OSBP2: variants seen among roughly 807,000 people sequenced by gnomAD.
OSBP2 encodes the protein oxysterol binding protein 2, also known as oxysterol-binding protein 2.
OSBP2 carries 66 observed loss-of-function variants against 96.0 expected under a neutral mutation model. The observed-to-expected ratio is 0.69, with a 90% CI of 0.56 to 0.84. OSBP2 has a LOEUF of 0.84. Among genes scored for constraint, OSBP2 ranks in the 40% least tolerant of loss-of-function variants. OSBP2 has a pLI of 0.00. For synonymous variants in OSBP2, 525 were observed against 520.9 expected (o/e 1.01, Z -0.11); for missense variants, 1,038 against 1,222.7 (o/e 0.85, Z 2.25).
At chr22:30,749,507 T>C (rs1270477248) in intron 2 of OSBP2, among the ~76,000 whole-genome samples, 8 of 152,182 alleles carry the variant, frequency 5.3e-5, no homozygotes, top group Non-Finnish European at 1.0e-4. Context: ...AATGAACTTG[T>C]GACATTTGGC....
intron 2 of OSBP2, among the ~76,000 whole-genome samples, chr22:30,767,777 T>C (rs1048629855): frequency 2.0e-5 from 3 of 152,048 alleles, no homozygotes; most frequent in African/African-American, 4.8e-5. Flanking sequence ...CAGCTCTCAG[T>C]TGGGAGAGGA....
chr22:30,712,636 T>A (rs1259071656), intron 1 of OSBP2, among the ~76,000 whole-genome samples: 1 of 152,216 alleles, frequency 6.6e-6, no homozygotes, highest in African/African-American at 2.4e-5. Context: ...GGGAGGGAAC[T>A]GGAGCGTCCA....
At chr22:30,760,194 T>C in intron 2 of OSBP2, among the ~76,000 whole-genome samples, 1 of 148,638 alleles carries the variant, frequency 6.7e-6, no homozygotes, top group African/African-American at 2.5e-5. Context: ...GACAGAGTCT[T>C]GCACTGTTGC....
At chr22:30,831,122 G>C (rs1327163237) in intron 2 of OSBP2, among the ~76,000 whole-genome samples, 4 of 152,150 alleles carry the variant, frequency 2.6e-5, no homozygotes, top group African/African-American at 9.7e-5. Flanking sequence ...TGAGTCAAAG[G>C]GTGTGAATGC....
intron 2 of OSBP2, among the ~76,000 whole-genome samples, chr22:30,804,863 T>A (rs1410480404): frequency 6.6e-6 from 1 of 152,248 alleles, no homozygotes; most frequent in Non-Finnish European, 1.5e-5. Context: ...CATAAAAATA[T>A]GAAGTCCAGA....
At chr22:30,814,068 A>C (rs2091049586) in intron 2 of OSBP2, among the ~76,000 whole-genome samples, 1 of 152,216 alleles carries the variant, frequency 6.6e-6, no homozygotes, top group South Asian at 2.1e-4. Flanking sequence ...TTGGGATTAC[A>C]GGCATGAACC....
chr22:30,769,249 G>A (rs757721755), intron 2 of OSBP2, among the ~76,000 whole-genome samples: 6 of 152,224 alleles, frequency 3.9e-5, no homozygotes, highest in Non-Finnish European at 7.3e-5. Context: ...GTGAACTTTG[G>A]ACAAGGCCCT....
rs1302598334 is a variant in OSBP2, at chr22:30,906,294, G to A, written c.2706G>A (p.Glu902=). The change falls in exon 14 of 14, where the codon GAG becomes GAA. Residue 902 remains glutamate (E), a synonymous_variant. Transcript: ENST00000332585. The part of the protein sequence containing the change: ...MACVYKGGYW[E]AKEKQDWHMC... ...GTGTGTACAAGGGCGGCTACTGGGA[G>A]GCCAAGGAGAAGCAAGACTGGCATA... 1.2e-6 allele frequency: 2 copies of A among 1,613,756 alleles called. No homozygotes were observed. The highest frequency in any genetic ancestry group is 1.1e-5 in the South Asian group (1 of 91,046).
At chr22:30,808,953 CAA>C (rs1033761542) in intron 2 of OSBP2, among the ~76,000 whole-genome samples, 1 of 145,378 alleles carries the variant, frequency 6.9e-6, no homozygotes, top group Non-Finnish European at 1.5e-5. Flanking sequence ...GACTCCGTCT[CAA>C]AAAAAAAAAT....
At chr22:30,714,021 G>A (rs2145690766) in intron 1 of OSBP2, among the ~76,000 whole-genome samples, 1 of 152,198 alleles carries the variant, frequency 6.6e-6, no homozygotes, top group South Asian at 2.1e-4. Flanking sequence ...CTGTCTAGCT[G>A]TAGTTCTGTA....
chr22:30,802,813 G>C (rs1428247248), intron 2 of OSBP2, among the ~76,000 whole-genome samples: 1 of 152,234 alleles, frequency 6.6e-6, no homozygotes, highest in Non-Finnish European at 1.5e-5. Flanking sequence ...GAGGAGGCTG[G>C]AGGAATGAGG....
chr22:30,793,778 G>T (rs1213294888), intron 2 of OSBP2, among the ~76,000 whole-genome samples: 1 of 151,800 alleles, frequency 6.6e-6, no homozygotes, highest in Non-Finnish European at 1.5e-5. Flanking sequence ...GGAGTTTGAG[G>T]CTGCAGTGAG....
chr22:30,785,297 A>T (rs1182107661), intron 2 of OSBP2, among the ~76,000 whole-genome samples: 3 of 151,972 alleles, frequency 2.0e-5, no homozygotes, highest in Non-Finnish European at 2.9e-5. Flanking sequence ...GGCCCGGCAC[A>T]GTGGCTTATG....
chr22:30,753,466 T>C (rs1254736475), intron 2 of OSBP2, among the ~76,000 whole-genome samples: 1 of 151,378 alleles, frequency 6.6e-6, no homozygotes, highest in African/African-American at 2.4e-5. Flanking sequence ...CCAGGGGAGG[T>C]TCAAGATAAC....
At chr22:30,764,061 T>A (rs1388464161) in intron 2 of OSBP2, among the ~76,000 whole-genome samples, 1 of 152,222 alleles carries the variant, frequency 6.6e-6, no homozygotes, top group Non-Finnish European at 1.5e-5. Context: ...ATGTTCAGGT[T>A]TGTAAGAAAC....
chr22:30,777,355 G>A (rs917468706), intron 2 of OSBP2, among the ~76,000 whole-genome samples: 3 of 152,094 alleles, frequency 2.0e-5, no homozygotes, highest in African/African-American at 7.2e-5. Flanking sequence ...TTCTCATGAT[G>A]GTGAATAAGT....
intron 2 of OSBP2, among the ~76,000 whole-genome samples, chr22:30,782,151 C>CA (rs1280004548): frequency 1.3e-5 from 2 of 152,064 alleles, no homozygotes; most frequent in African/African-American, 2.4e-5. Context: ...GTCTCAAAAT[C>CA]AAAAAATCAT....
At chr22:30,898,172 C>A (rs2040107971) in intron 12 of OSBP2, among the ~76,000 whole-genome samples, 1 of 151,926 alleles carries the variant, frequency 6.6e-6, no homozygotes, top group South Asian at 2.1e-4. Context: ...GAGACCTCAT[C>A]TCTACCAAAA....
At chr22:30,794,821 C>T (rs1257240141) in intron 2 of OSBP2, among the ~76,000 whole-genome samples, 2 of 150,770 alleles carry the variant, frequency 1.3e-5, no homozygotes, top group African/African-American at 4.9e-5. Flanking sequence ...CGTTACTTTT[C>T]GTATTATTGT....
Sources: gnomAD v4.1 joint callset for allele counts (sites outside exome capture counted in the v4.1 genomes callset) on GRCh38, gnomAD v4.1.1 for gene constraint, MANE v1.5 for transcripts, NCBI Gene and HGNC (gene_info 2026-07-23, HGNC 2026-07-21) for gene names.